SGCZ: variants seen among roughly 807,000 people sequenced by gnomAD.
SGCZ encodes zeta-sarcoglycan.
A neutral mutation model predicts 41.3 loss-of-function variants in SGCZ; 40 were observed. The ratio of observed to expected loss-of-function variants is 0.97; its 90% confidence interval spans 0.75 to 1.26. The LOEUF is 1.26. SGCZ is among the 50% of genes most tolerant of loss of function. SGCZ has a pLI of 0.00. For missense variants in SGCZ, 552 were observed against 369.8 expected (o/e 1.49, Z -4.04); for synonymous variants, 206 against 137.5 (o/e 1.50, Z -3.49).
intron 1 of SGCZ, among the ~76,000 whole-genome samples, chr8:14,654,760 G>C (rs777414347): frequency 1.4e-5 from 2 of 147,688 alleles, no homozygotes; most frequent in Non-Finnish European, 3.0e-5. Flanking sequence ...TTTGTATTTT[G>C]AAATAACTTT....
Position 15,114,989 on chromosome 8 carries a change from T to C in SGCZ, c.39+122596A>G, listed in dbSNP as rs537057589. On this transcript the variant is annotated intron_variant, in intron 1 of 7. Transcript: ENST00000382080. The stretch of plus-strand genomic sequence containing the variant: ...ATGTGCAAGCAAGCTTACAAAATAA[T>C]AGTACATTAGTTATGATAAAACTGG... Among the ~76,000 whole-genome samples, 76 of 152,212 alleles carry C rather than the reference T, an allele frequency of 5.0e-4. 1 individual carries two copies. Among genetic ancestry groups the C allele is most frequent in the Middle Eastern group, 3.4e-3 (1 of 294 alleles).
At chr8:14,421,569 C>A (rs971102046) in intron 2 of SGCZ, among the ~76,000 whole-genome samples, 1 of 152,062 alleles carries the variant, frequency 6.6e-6, no homozygotes, top group Non-Finnish European at 1.5e-5. Context: ...GACAAGGACA[C>A]AATCAACCTA....
chr8:14,785,946 A>T (rs1242587496), intron 1 of SGCZ, among the ~76,000 whole-genome samples: 1 of 147,994 alleles, frequency 6.8e-6, no homozygotes, highest in Non-Finnish European at 1.5e-5. Flanking sequence ...GTTCTCATTT[A>T]AAAAACTTAT....
At chr8:15,237,412 T>A (rs1802169928) in intron 1 of SGCZ, among the ~76,000 whole-genome samples, 173 bp downstream of exon 1, 1 of 152,140 alleles carries the variant, frequency 6.6e-6, no homozygotes, top group Non-Finnish European at 1.5e-5. Context: ...CCACCCTCCG[T>A]GTCCTCGGCC....
intron 1 of SGCZ, among the ~76,000 whole-genome samples, chr8:14,567,608 A>C (rs1173692495): frequency 2.0e-5 from 3 of 152,210 alleles, no homozygotes; most frequent in African/African-American, 4.8e-5. Context: ...TGCCTAAGCC[A>C]GCAGTGGCAA....
intron 1 of SGCZ, among the ~76,000 whole-genome samples, chr8:14,585,627 G>A (rs1267351974): frequency 6.6e-6 from 1 of 151,956 alleles, no homozygotes; most frequent in Non-Finnish European, 1.5e-5. Context: ...ATTATTTTAT[G>A]AAAAATATAT....
intron 1 of SGCZ, among the ~76,000 whole-genome samples, chr8:14,585,862 A>G (rs1391843759): frequency 6.6e-6 from 1 of 152,208 alleles, no homozygotes; most frequent in Non-Finnish European, 1.5e-5. Context: ...AAGTAGATTT[A>G]TTAATAAATC....
At chr8:14,723,999 T>C (rs1809973549) in intron 1 of SGCZ, among the ~76,000 whole-genome samples, 2 of 152,138 alleles carry the variant, frequency 1.3e-5, no homozygotes, top group Admixed American at 6.5e-5. Context: ...AGGAATAGCC[T>C]ACTGCAATGA....
Position 14,644,738 on chromosome 8 carries a change from T to C in SGCZ, c.40-89812A>G, listed in dbSNP as rs1807149945. 2.0e-5 allele frequency among the ~76,000 whole-genome samples: 3 copies of C among 151,658 alleles called. 1 individual carries two copies. The highest frequency in any genetic ancestry group is 1.3e-4 in the Admixed American group (2 of 15,142). On this transcript the variant is annotated intron_variant, in intron 1 of 7. Coordinates refer to ENST00000382080, the MANE Select transcript of SGCZ (RefSeq NM_139167.4). ...AAAATTTGCAAAAATATCAGAATAA[T>C]CTAGAAATGCAAATGTACTTCTTAC... is the stretch of plus-strand genomic sequence containing the variant.
At chr8:14,485,786 G>A (rs566996354) in intron 2 of SGCZ, among the ~76,000 whole-genome samples, 2 of 151,620 alleles carry the variant, frequency 1.3e-5, no homozygotes, top group Non-Finnish European at 2.9e-5. Flanking sequence ...ATGACAGCAG[G>A]CACAAGGACA....
At chr8:15,167,382 A>G (rs1378324604) in intron 1 of SGCZ, among the ~76,000 whole-genome samples, 1 of 152,130 alleles carries the variant, frequency 6.6e-6, no homozygotes, top group Non-Finnish European at 1.5e-5. Flanking sequence ...AGGGTTCTTG[A>G]CCTGTGGTCA....
At chr8:14,647,952 A>C (rs12541692) in intron 1 of SGCZ, among the ~76,000 whole-genome samples, 20 of 151,800 alleles carry the variant, frequency 1.3e-4, no homozygotes, top group Admixed American at 3.9e-4. Flanking sequence ...AGTTCTATTT[A>C]ACCAAACACC....
rs1348006500 is a variant in SGCZ, at chr8:14,329,329, T to G, written c.235-5125A>C. ...TCACAGGGATGTTGTATTAATTTAA[T>G]GAGACACTATGTAAGTGAATTACTA... On this transcript the variant is annotated intron_variant, in intron 2 of 7. Transcript: ENST00000382080. 2.0e-5 allele frequency among the ~76,000 whole-genome samples: 3 copies of G among 152,232 alleles called. No individual in the cohort carries two copies. The East Asian group carries it at 5.8e-4, about 29-fold the overall frequency.
At chr8:15,042,778 A>G (rs1804153885) in intron 1 of SGCZ, among the ~76,000 whole-genome samples, 1 of 152,210 alleles carries the variant, frequency 6.6e-6, no homozygotes, top group Non-Finnish European at 1.5e-5. Context: ...GTTTAGTATT[A>G]CAGCACTTCC....
chr8:14,148,574 C>T (rs758914634), intron 5 of SGCZ, among the ~76,000 whole-genome samples: 1 of 151,952 alleles, frequency 6.6e-6, no homozygotes, highest in Admixed American at 6.6e-5. Flanking sequence ...GCCTGGGACC[C>T]GATGGCTTCA....
At chr8:14,366,917 A>G (rs1401553011) in intron 2 of SGCZ, among the ~76,000 whole-genome samples, 1 of 152,082 alleles carries the variant, frequency 6.6e-6, no homozygotes, top group Non-Finnish European at 1.5e-5. Flanking sequence ...CCCTGGAGAC[A>G]TTTTCCCCAA....
intron 1 of SGCZ, among the ~76,000 whole-genome samples, chr8:14,881,517 C>A (rs886480712): frequency 6.6e-6 from 1 of 152,034 alleles, no homozygotes; most frequent in African/African-American, 2.4e-5. Flanking sequence ...ATGATTCAGG[C>A]CCACATCAGC....
intron 2 of SGCZ, among the ~76,000 whole-genome samples, chr8:14,382,936 C>G (rs1369333109): frequency 6.6e-6 from 1 of 152,104 alleles, no homozygotes; most frequent in Non-Finnish European, 1.5e-5. Context: ...GTTATTTCTT[C>G]TCTTAGAATC....
chr8:14,809,691 A>G (rs1172546283), intron 1 of SGCZ, among the ~76,000 whole-genome samples: 1 of 152,184 alleles, frequency 6.6e-6, no homozygotes, highest in African/African-American at 2.4e-5. Flanking sequence ...TATAATTTAA[A>G]TCTGAAAATG....
Sources: allele counts gnomAD v4.1 joint callset (sites outside exome capture counted in the v4.1 genomes callset), GRCh38; gene constraint gnomAD v4.1.1; transcripts MANE v1.5; gene names NCBI Gene and HGNC (gene_info 2026-07-23, HGNC 2026-07-21).